Variants in FAR1 observed in about 807,000 individuals in gnomAD.
FAR1 encodes the protein fatty acyl-CoA reductase 1.
FAR1 carries 22 observed loss-of-function variants against 61.1 expected under a neutral mutation model. That is an observed-to-expected ratio of 0.36 (90% CI 0.26 to 0.51). The LOEUF is 0.51. Among genes scored for constraint, FAR1 ranks in the 20% least tolerant of loss-of-function variants. The pLI is 0.95. For synonymous variants in FAR1, 206 were observed against 209.7 expected, an observed-to-expected ratio of 0.98 and a Z score of 0.15; for missense variants, 359 against 626.9, an observed-to-expected ratio of 0.57 and a Z score of 4.56.
chr11:13,706,292 G>A (rs1848430875), intron 3 of FAR1, among the ~76,000 whole-genome samples: 1 of 151,744 alleles, frequency 6.6e-6, no homozygotes, highest in South Asian at 2.1e-4. Context: ...CTTTTTATTT[G>A]GAAAATGAGG....
At chr11:13,712,870 C>T (rs1848515312) in intron 7 of FAR1, 96 bp from the exon 8 acceptor site, 1 of 816,622 alleles carries the variant, frequency 1.2e-6, no homozygotes, top group Non-Finnish European at 1.9e-6. Flanking sequence ...AAAAGGTGCC[C>T]ATCATCCTCA....
chr11:13,729,820 G>T lies in FAR1; in HGVS notation c.*1046G>T, dbSNP rs1848704727. 6.6e-6 allele frequency: 1 copy of T among 152,186 alleles called. No individual in the cohort carries two copies. The highest frequency in any genetic ancestry group is 2.1e-4 in the South Asian group (1 of 4,830). The allele number at this position is 152,186 out of a possible 1,614,324, so 9.4% of individuals were successfully genotyped here. A position where few individuals can be genotyped will look rare whatever the true frequency, so the allele number is the denominator to read the frequency against. On this transcript the variant is annotated 3_prime_UTR_variant, in exon 12 of 12. Transcript: ENST00000354817. ...ACACATACTAATTTTGACCTTGAAA[G>T]ATGAATTCCTTCAAGAAAAATAAAA...
intron 5 of FAR1, 58 bp downstream of exon 5, chr11:13,710,928 TGTATAA>T: frequency 6.8e-7 from 1 of 1,469,138 alleles, no homozygotes; most frequent in Admixed American, 2.1e-5. Context: ...GTTGTAACTC[TGTATAA>T]AAAGAGCTGG....
rs1177328798 is a variant in FAR1 at position 13,724,948 on chromosome 11, G to A, written c.1258-2608G>A. Among the ~76,000 whole-genome samples, 3 of 152,088 alleles carry A rather than the reference G, an allele frequency of 2.0e-5. No homozygotes were observed. In the East Asian group the frequency reaches 5.8e-4, roughly 29 times the overall value. On this transcript the variant is annotated intron_variant, in intron 10 of 11. Transcript: ENST00000354817. Reference sequence around the variant, plus strand: ...ACCCATTCTCAGGTAGTTCTTTGTAGGGTTGCGAGAATGGACTAATGCACC... The same window carrying A: ...ACCCATTCTCAGGTAGTTCTTTGTAAGGTTGCGAGAATGGACTAATGCACC...
chr11:13,718,009 T>C (rs7926942), intron 9 of FAR1, among the ~76,000 whole-genome samples: 47,895 of 152,068 alleles, frequency 0.31, 7,815 homozygotes, highest in South Asian at 0.38. Flanking sequence ...ACCCATAAGT[T>C]TCTTTGACAC....
At chr11:13,695,762 A>G (rs867917828) in intron 2 of FAR1, among the ~76,000 whole-genome samples, 2 of 152,192 alleles carry the variant, frequency 1.3e-5, no homozygotes, top group South Asian at 4.1e-4. Context: ...GCAACCAACC[A>G]GACTTTTGAC....
At chr11:13,713,111 A>G (rs1229250125) in intron 8 of FAR1, 78 bp downstream of exon 8, 1 of 1,278,510 alleles carries the variant, frequency 7.8e-7, no homozygotes, top group Non-Finnish European at 1.1e-6. Flanking sequence ...ATGTTAGAAT[A>G]CCTATGAGGC....
At chr11:13,723,333 C>G in intron 10 of FAR1, 1 of 380,506 alleles carries the variant, frequency 2.6e-6, no homozygotes, top group South Asian at 1.9e-5. Context: ...TCATTGCACT[C>G]CAGCTTGAAC....
At chr11:13,685,290 T>G (rs1047551372) in intron 1 of FAR1, among the ~76,000 whole-genome samples, 4 of 152,140 alleles carry the variant, frequency 2.6e-5, no homozygotes, top group East Asian at 1.9e-4. Flanking sequence ...CTGATTTTTT[T>G]TTTTTTGTTT....
At chr11:13,692,442 T>A (rs921027015) in intron 1 of FAR1, among the ~76,000 whole-genome samples, 1 of 152,174 alleles carries the variant, frequency 6.6e-6, no homozygotes, top group African/African-American at 2.4e-5. Flanking sequence ...CTGTTTAACT[T>A]TTTAAGGAAC....
chr11:13,707,725 A>G (rs1367440652), intron 3 of FAR1, among the ~76,000 whole-genome samples, 175 bp from the exon 4 acceptor site: 1 of 152,220 alleles, frequency 6.6e-6, no homozygotes, highest in African/African-American at 2.4e-5. Context: ...TTTTTTTAAC[A>G]CAGCTGATAA....
chr11:13,700,243 A>G (rs2134183846), intron 2 of FAR1, 74 bp from the exon 3 acceptor site: 9 of 1,110,588 alleles, frequency 8.1e-6, no homozygotes, highest in Non-Finnish European at 1.0e-5. Flanking sequence ...CCTTGGTGGG[A>G]AAAAAATGGT....
At chr11:13,715,849 A>G (rs1169638385) in intron 9 of FAR1, 1 of 152,188 alleles carries the variant, frequency 6.6e-6, no homozygotes. Context: ...TTGTATAAAG[A>G]AGATGCTGAT....
intron 9 of FAR1, among the ~76,000 whole-genome samples, chr11:13,717,414 G>A (rs1848568532): frequency 1.3e-5 from 2 of 152,168 alleles, no homozygotes; most frequent in South Asian, 2.1e-4. Context: ...GAGAAATTGG[G>A]AGGCACCCAG....
At chr11:13,707,726 CAGCTGATAAACATTTAATAT>C (rs1018221393) in intron 3 of FAR1, among the ~76,000 whole-genome samples, 154 bp from the exon 4 acceptor site, 85 of 152,250 alleles carry the variant, frequency 5.6e-4, no homozygotes, top group African/African-American at 2.0e-3. Flanking sequence ...TTTTTTAACA[CAGCTGATAAACATTTAATAT>C]GGAAATAAAA....
At chr11:13,711,288 A>G (rs1848496097) in intron 5 of FAR1, among the ~76,000 whole-genome samples, 2 of 152,176 alleles carry the variant, frequency 1.3e-5, no homozygotes, top group African/African-American at 4.8e-5. Flanking sequence ...AGTTGGGTCA[A>G]TTGATTTAGG....
In FAR1 at chr11:13,673,377, T is replaced by C. The variant is rs554561193; in HGVS notation, c.-8+4571T>C. Among the ~76,000 whole-genome samples the C allele has an allele frequency of 8.9e-4, 136 of 152,366 alleles. 1 individual carries two copies. The South Asian group carries it at 0.027, about 30-fold the overall frequency. On this transcript the variant is annotated intron_variant, in intron 1 of 11. Coordinates refer to ENST00000354817, the MANE Select transcript of FAR1 (RefSeq NM_032228.6). ...CAAATTACCACATTTGATTCTCATA[T>C]AATTCTCTAAAATGTGAATACCATA... is the stretch of plus-strand genomic sequence containing the variant.
At chr11:13,682,109 C>T (rs1217349240) in intron 1 of FAR1, among the ~76,000 whole-genome samples, 1 of 152,144 alleles carries the variant, frequency 6.6e-6, no homozygotes, top group Non-Finnish European at 1.5e-5. Context: ...TAGGTCATGT[C>T]ATCCTTTTGC....
intron 2 of FAR1, among the ~76,000 whole-genome samples, chr11:13,697,751 A>T (rs1353478033): frequency 1.3e-5 from 2 of 152,174 alleles, no homozygotes; most frequent in Non-Finnish European, 2.9e-5. Flanking sequence ...AGGAGAATGA[A>T]GAAGTACGAA....
Sources: gnomAD v4.1 joint callset for allele counts (sites outside exome capture counted in the v4.1 genomes callset) on GRCh38, gnomAD v4.1.1 for gene constraint, MANE v1.5 for transcripts, NCBI Gene and HGNC (gene_info 2026-07-23, HGNC 2026-07-21) for gene names.